FNBP1: variants seen among roughly 807,000 people sequenced by gnomAD.
The protein encoded by FNBP1 is formin-binding protein 1.
In FNBP1, 26 loss-of-function variants were observed where a neutral mutation model predicts 90.6. That is an observed-to-expected ratio of 0.29 (90% CI 0.21 to 0.40). The LOEUF (loss-of-function observed/expected upper bound fraction) is 0.40, where lower values mean the gene tolerates loss of function less well. Among genes scored for constraint, FNBP1 ranks in the 10% least tolerant of loss-of-function variants. The probability of loss-of-function intolerance (pLI) is 1.00; values close to 1 mark genes in which losing one functional copy is unlikely to be tolerated. For missense variants in FNBP1, 635 were observed against 768.0 expected, an observed-to-expected ratio of 0.83 and a Z score of 2.05; for synonymous variants, 260 against 265.2, an observed-to-expected ratio of 0.98 and a Z score of 0.19.
intron 10 of FNBP1, among the ~76,000 whole-genome samples, chr9:129,919,672 A>G (rs1465897048): frequency 6.6e-6 from 1 of 152,252 alleles, no homozygotes; most frequent in Non-Finnish European, 1.5e-5. Context: ...ATGCTGAGAT[A>G]TGTTTGCATG....
chr9:129,900,175 C>A lies in FNBP1; in HGVS notation c.1551-74G>T. On this transcript the variant is annotated intron_variant, in intron 14 of 16. Transcript: ENST00000446176. This position sits in a 1 kb window ranked among gnomAD's most constrained non-coding sequence, Gnocchi z 4.1. Reference sequence around the variant, plus strand: ...GAGGACTCAGATTGAGTCCCTGCGACTGGAGAGCACTTGCAACCCCGCCCC... The same window carrying A: ...GAGGACTCAGATTGAGTCCCTGCGAATGGAGAGCACTTGCAACCCCGCCCC... 6.9e-7 allele frequency: 1 copy of A among 1,457,016 alleles called. No individual in the cohort carries two copies. The highest frequency in any genetic ancestry group is 9.1e-7 in the Non-Finnish European group (1 of 1,095,250). 90.3% of individuals were successfully genotyped at this position (1,457,016 alleles called of 1,614,324 possible).
chr9:129,994,470 T>A (rs377366005), intron 2 of FNBP1, among the ~76,000 whole-genome samples: 39 of 152,354 alleles, frequency 2.6e-4, no homozygotes, highest in African/African-American at 8.9e-4. Context: ...TTTCTTGACC[T>A]GGGTGCCCGG....
At chr9:129,980,465 G>A (rs1564491506) in intron 2 of FNBP1, among the ~76,000 whole-genome samples, 1 of 152,006 alleles carries the variant, frequency 6.6e-6, no homozygotes, top group Non-Finnish European at 1.5e-5. Context: ...TCTTCTTGAA[G>A]GAAGTCAAGA....
At chr9:130,032,343 T>A (rs184325884) in intron 1 of FNBP1, among the ~76,000 whole-genome samples, 10 of 152,074 alleles carry the variant, frequency 6.6e-5, no homozygotes, top group Admixed American at 5.2e-4. Context: ...GGTAATTTTT[T>A]AATTTTTAGT....
At chr9:130,053,631 A>G in the FNBP1 span, 1 of 443,486 alleles carries the variant, frequency 2.3e-6, no homozygotes, top group Non-Finnish European at 4.1e-6. Flanking sequence ...GGTCGCTTCC[A>G]AAGCTCAGCG....
At chr9:129,945,901 C>G (rs2045198502) in intron 6 of FNBP1, among the ~76,000 whole-genome samples, 2 of 152,142 alleles carry the variant, frequency 1.3e-5, no homozygotes, top group Non-Finnish European at 2.9e-5. Flanking sequence ...GGCATGGTGG[C>G]TCACACCTGT....
upstream of FNBP1, among the ~76,000 whole-genome samples, chr9:130,047,802 T>A: frequency 6.6e-6 from 1 of 152,098 alleles, no homozygotes; most frequent in Non-Finnish European, 1.5e-5. Flanking sequence ...CAAACAATTG[T>A]ATTAGGGCTT....
At chr9:129,968,938 T>G (rs552811760) in intron 4 of FNBP1, among the ~76,000 whole-genome samples, 1 of 151,848 alleles carries the variant, frequency 6.6e-6, no homozygotes, top group South Asian at 2.1e-4. Context: ...AACCTCCTGG[T>G]TCTCCTTCTG....
chr9:129,959,905 T>C (rs79945441), intron 4 of FNBP1, among the ~76,000 whole-genome samples: 1,886 of 152,266 alleles, frequency 0.012, 14 homozygotes, highest in Middle Eastern at 0.02. Context: ...AATGGAGACA[T>C]GGTCTGAGGC....
At chr9:129,996,353 C>G (rs1470138557) in intron 1 of FNBP1, among the ~76,000 whole-genome samples, 1 of 151,862 alleles carries the variant, frequency 6.6e-6, no homozygotes, top group East Asian at 1.9e-4. Context: ...ACTAAGGGGG[C>G]GAGCCAGAGG....
At position 129,999,883 on chromosome 9, in the gene FNBP1, C is replaced by G. The variant is rs192614657; in HGVS notation, c.25-4925G>C. 5.3e-4 allele frequency among the ~76,000 whole-genome samples: 81 copies of G among 152,268 alleles called. 1 individual carries two copies. The highest frequency in any genetic ancestry group is 9.3e-4 in the Non-Finnish European group (63 of 68,020). ...GAAGACAGCTGGATTATCATAGAGA[C>G]TTCTGCATTCAATCTATTACGATTC... is the stretch of plus-strand genomic sequence containing the variant. On this transcript the variant is annotated intron_variant, in intron 1 of 16. Coordinates refer to ENST00000446176, the MANE Select transcript of FNBP1 (RefSeq NM_015033.3).
intron 10 of FNBP1, chr9:129,919,142 A>G: frequency 8.1e-7 from 1 of 1,228,082 alleles, no homozygotes; most frequent in Non-Finnish European, 1.1e-6. Flanking sequence ...TGACCTGGCC[A>G]TCACAGGTGA....
At chr9:129,892,417 A>AAACG (rs3054870) in intron 16 of FNBP1, among the ~76,000 whole-genome samples, 1 of 147,274 alleles carries the variant, frequency 6.8e-6, no homozygotes, top group Non-Finnish European at 1.5e-5. Context: ...ACACACACAC[A>AAACG]AAAAGGTTGA....
intron 1 of FNBP1, among the ~76,000 whole-genome samples, chr9:130,037,411 T>A (rs1010163015): frequency 2.0e-5 from 3 of 152,072 alleles, no homozygotes; most frequent in Non-Finnish European, 4.4e-5. Flanking sequence ...TTAATAGGGT[T>A]CTCCAATTTA....
chr9:129,962,401 T>C (rs749818876), intron 4 of FNBP1, among the ~76,000 whole-genome samples: 8 of 152,128 alleles, frequency 5.3e-5, no homozygotes, highest in Non-Finnish European at 1.2e-4. Context: ...AAGGTAAGCA[T>C]TGGTGTTAGG....
intron 8 of FNBP1, among the ~76,000 whole-genome samples, chr9:129,926,337 T>C (rs1381716508): frequency 1.3e-5 from 2 of 152,186 alleles, no homozygotes; most frequent in Non-Finnish European, 2.9e-5. Flanking sequence ...ATGCTGGTGT[T>C]CTAGTTTATA....
chr9:130,028,372 G>A (rs187760819), intron 1 of FNBP1, among the ~76,000 whole-genome samples: 4 of 152,246 alleles, frequency 2.6e-5, no homozygotes, highest in Admixed American at 2.6e-4. Flanking sequence ...TTATCTCCAT[G>A]TCAAAATAAG....
chr9:129,999,430 T>C (rs898675790), intron 1 of FNBP1, among the ~76,000 whole-genome samples: 10 of 152,008 alleles, frequency 6.6e-5, no homozygotes, highest in Admixed American at 2.6e-4. Flanking sequence ...ACCTCATCTC[T>C]ACAAAAGAAA....
chr9:130,007,991 C>G (rs1298596462), intron 1 of FNBP1, among the ~76,000 whole-genome samples: 1 of 97,170 alleles, frequency 1.0e-5, no homozygotes, highest in Non-Finnish European at 2.0e-5. Flanking sequence ...GAGTGAGACT[C>G]TGTCTCAAAA....
Sources: gnomAD v4.1 joint callset for allele counts (sites outside exome capture counted in the v4.1 genomes callset) on GRCh38, gnomAD v4.1.1 for gene constraint, Gnocchi (gnomAD v3.1) non-coding constraint, MANE v1.5 for transcripts, NCBI Gene and HGNC (gene_info 2026-07-23, HGNC 2026-07-21) for gene names.